The following CTNNA3 variants were observed in gnomAD, a reference collection of about 807,000 sequenced individuals.
The protein encoded by CTNNA3 is catenin alpha-3.
In CTNNA3, 76 loss-of-function variants were observed where a neutral mutation model predicts 95.7. That is an observed-to-expected ratio of 0.79 (90% CI 0.66 to 0.96). CTNNA3 has a LOEUF of 0.96. Among genes scored for constraint, CTNNA3 ranks in the 40% least tolerant of loss-of-function variants. The probability of loss-of-function intolerance (pLI) is 0.00; values close to 1 mark genes in which losing one functional copy is unlikely to be tolerated. For synonymous variants in CTNNA3, 431 were observed against 374.4 expected, an observed-to-expected ratio of 1.15 and a Z score of -1.74; for missense variants, 1,191 against 1,089.8, an observed-to-expected ratio of 1.09 and a Z score of -1.31.
chr10:67,395,339 C>T (rs1844672412), intron 5 of CTNNA3, among the ~76,000 whole-genome samples: 1 of 152,092 alleles, frequency 6.6e-6, no homozygotes, highest in Non-Finnish European at 1.5e-5. Flanking sequence ...CTGTAAGGGA[C>T]ACCACAGGAA....
At chr10:66,968,589 C>T (rs1360962350) in intron 7 of CTNNA3, among the ~76,000 whole-genome samples, 1 of 151,814 alleles carries the variant, frequency 6.6e-6, no homozygotes, top group Non-Finnish European at 1.5e-5. Flanking sequence ...CTCCTCAGTG[C>T]CTAAAACAGC....
chr10:67,302,872 TGAAAA>T (rs1840382523), intron 5 of CTNNA3, among the ~76,000 whole-genome samples: 1 of 152,062 alleles, frequency 6.6e-6, no homozygotes, highest in East Asian at 1.9e-4. Context: ...TTAGAATAAT[TGAAAA>T]AGGATTGAAT....
At chr10:67,344,014 C>T (rs1448922083) in intron 5 of CTNNA3, among the ~76,000 whole-genome samples, 1 of 149,956 alleles carries the variant, frequency 6.7e-6, no homozygotes, top group Admixed American at 6.6e-5. Flanking sequence ...ATTCTATACC[C>T]AGGTTTTTTA....
chr10:67,373,262 T>C (rs1843553160), intron 5 of CTNNA3, among the ~76,000 whole-genome samples: 1 of 151,478 alleles, frequency 6.6e-6, no homozygotes, highest in South Asian at 2.1e-4. Context: ...TAGCTCAAAA[T>C]AAAGGGATGG....
At chr10:66,468,643 CTA>C (rs1198552761) in intron 11 of CTNNA3, among the ~76,000 whole-genome samples, 8 of 151,578 alleles carry the variant, frequency 5.3e-5, no homozygotes, top group African/African-American at 7.3e-5. Flanking sequence ...AAAATAATAA[CTA>C]TGTGAAGTAA....
At chr10:67,544,997 G>A (rs1369557351) in intron 3 of CTNNA3, among the ~76,000 whole-genome samples, 3 of 152,052 alleles carry the variant, frequency 2.0e-5, no homozygotes. Context: ...GCACCATTGG[G>A]AACTCTCAAA....
intron 15 of CTNNA3, among the ~76,000 whole-genome samples, chr10:66,023,963 T>A (rs2079278336): frequency 1.3e-5 from 2 of 152,172 alleles, no homozygotes; most frequent in Admixed American, 6.5e-5. Flanking sequence ...TGGTGACTAT[T>A]CAGAAACATT....
At chr10:67,489,217 A>G (rs1010796121) in intron 5 of CTNNA3, among the ~76,000 whole-genome samples, 1 of 152,170 alleles carries the variant, frequency 6.6e-6, no homozygotes, top group Non-Finnish European at 1.5e-5. Flanking sequence ...CCTAAGATTT[A>G]AATTTCACTT....
chr10:67,557,773 G>C (rs1247943334), intron 3 of CTNNA3, among the ~76,000 whole-genome samples: 1 of 152,146 alleles, frequency 6.6e-6, no homozygotes, highest in African/African-American at 2.4e-5. Flanking sequence ...ATTAAGGCAG[G>C]AACATCAACC....
At chr10:66,649,083 G>A (rs910621437) in intron 9 of CTNNA3, among the ~76,000 whole-genome samples, 2 of 151,618 alleles carry the variant, frequency 1.3e-5, no homozygotes, top group African/African-American at 4.9e-5. Context: ...AAAATCAGGA[G>A]AGTGTGGCAT....
chr10:67,603,133 C>T (rs1843142116), intron 3 of CTNNA3, among the ~76,000 whole-genome samples: 1 of 152,102 alleles, frequency 6.6e-6, no homozygotes, highest in African/African-American at 2.4e-5. Flanking sequence ...TCTGTAAGGA[C>T]ACAGAAGACA....
At chr10:67,066,231 C>T (rs1273927235) in intron 7 of CTNNA3, among the ~76,000 whole-genome samples, 4 of 146,956 alleles carry the variant, frequency 2.7e-5, no homozygotes, top group Admixed American at 2.0e-4. Flanking sequence ...CTTGCTCCAT[C>T]GCCCAGGCTA....
chr10:67,547,525 T>C (rs1444768938), intron 3 of CTNNA3, among the ~76,000 whole-genome samples: 1 of 152,208 alleles, frequency 6.6e-6, no homozygotes, highest in African/African-American at 2.4e-5. Flanking sequence ...TATCACCCCA[T>C]TCAGAGTACT....
chr10:66,489,551 C>T (rs1054324224), intron 11 of CTNNA3, among the ~76,000 whole-genome samples: 3 of 152,146 alleles, frequency 2.0e-5, no homozygotes, highest in African/African-American at 7.2e-5. Context: ...GTTATGTACA[C>T]ACACACACTT....
At chr10:66,471,744 A>T (rs9943431) in intron 11 of CTNNA3, among the ~76,000 whole-genome samples, 9,390 of 151,552 alleles carry the variant, frequency 0.062, 610 homozygotes, top group African/African-American at 0.16. Flanking sequence ...AAGTCATTTT[A>T]AATTTTGGTT....
intron 10 of CTNNA3, among the ~76,000 whole-genome samples, chr10:66,552,370 G>A (rs776003880): frequency 2.0e-5 from 3 of 152,084 alleles, no homozygotes; most frequent in Non-Finnish European, 4.4e-5. Context: ...TTACAACTGG[G>A]CCCACTTTGG....
chr10:66,065,894 G>A (rs529036196), intron 15 of CTNNA3, among the ~76,000 whole-genome samples: 9 of 151,576 alleles, frequency 5.9e-5, no homozygotes, highest in East Asian at 1.9e-4. Flanking sequence ...ACAGAGTTTC[G>A]CTCTTGTTGC....
rs939671630 is a variant in CTNNA3, at chr10:67,564,251, C to G, written c.293-24582G>C. 1.0e-4 allele frequency among the ~76,000 whole-genome samples: 15 copies of G among 149,536 alleles called. 1 individual carries two copies. In the Admixed American group the frequency reaches 1.0e-3, roughly 10 times the overall value. On this transcript the variant is annotated intron_variant, in intron 3 of 17. Coordinates refer to ENST00000433211, the MANE Select transcript of CTNNA3 (RefSeq NM_013266.4). ...AAGACTTGAAACCAACCCAAATGTC[C>G]AACAATGATAGACTGGATTAAGAAA...
chr10:67,599,963 T>C (rs1352727480), intron 3 of CTNNA3, among the ~76,000 whole-genome samples: 1 of 152,134 alleles, frequency 6.6e-6, no homozygotes, highest in Admixed American at 6.5e-5. Context: ...GTACAGTAAT[T>C]AGGACTATTG....
Sources: allele counts gnomAD v4.1 joint callset (sites outside exome capture counted in the v4.1 genomes callset), GRCh38; gene constraint gnomAD v4.1.1; transcripts MANE v1.5; gene names NCBI Gene and HGNC (gene_info 2026-07-23, HGNC 2026-07-21).